DNASE2: variants seen among roughly 807,000 people sequenced by gnomAD.
DNASE2 encodes the protein deoxyribonuclease 2, lysosomal, also known as deoxyribonuclease-2-alpha.
DNASE2 carries 26 observed loss-of-function variants against 29.8 expected under a neutral mutation model. The observed-to-expected ratio is 0.87, with a 90% CI of 0.64 to 1.21. DNASE2 has a LOEUF of 1.21. Among genes scored for constraint, DNASE2 ranks in the 50% most tolerant of loss-of-function variants. The pLI, the probability that DNASE2 is intolerant of heterozygous loss-of-function variation, is 0.00. For synonymous variants in DNASE2, 186 were observed against 193.5 expected, an observed-to-expected ratio of 0.96 and a Z score of 0.32; for missense variants, 415 against 455.6, an observed-to-expected ratio of 0.91 and a Z score of 0.81.
Position 12,876,248 on chromosome 19 carries a change from A to G in DNASE2, c.825T>C (p.Asn275=), listed in dbSNP as rs1270320113. 5 of 1,614,158 alleles carry G rather than the reference A, an allele frequency of 3.1e-6. No homozygotes were observed. Among genetic ancestry groups the G allele is most frequent in the South Asian group, 1.1e-5 (1 of 91,084 alleles). ...GTCCAGGGAAAGCTATCTGGTTCACATTCAGAACCTGCCAGATATCCGAGC... is the reference window on the plus strand; with the variant it reads ...GTCCAGGGAAAGCTATCTGGTTCACGTTCAGAACCTGCCAGATATCCGAGC... ...SNCSDIWQVL[N]VNQIAFPGPA... Residue 275 remains asparagine (N), a synonymous_variant, in exon 6 of 6, where the codon AAT becomes AAC. Coordinates refer to ENST00000222219, the MANE Select transcript of DNASE2 (RefSeq NM_001375.3).
At position 12,876,363 on chromosome 19, in the gene DNASE2, T is replaced by A. The variant is rs1402872679; in HGVS notation, c.710A>T (p.Asp237Val). The change falls in exon 6 of 6, where the codon GAC becomes GTC. Residue 237 changes from aspartate to valine, a missense_variant and splice_region_variant. Asp to Val is a radical substitution (Grantham distance 152). Transcript: ENST00000222219. ...SFAKFSKFGD[D>V]LYSGWLAAAL... The stretch of plus-strand genomic sequence containing the variant: ...TGCTGCCAACCAGCCGGAGTACAGG[T>A]CTGCAAAGGATGGAGAGAGGGCACA... The A allele has an allele frequency of 6.2e-7, 1 of 1,611,692 alleles. No individual in the cohort carries two copies. Among genetic ancestry groups the A allele is most frequent in the Non-Finnish European group, 8.5e-7 (1 of 1,179,954 alleles).
intron 3 of DNASE2, among the ~76,000 whole-genome samples, chr19:12,880,295 C>T (rs1397648089): frequency 6.6e-6 from 1 of 151,270 alleles, no homozygotes; most frequent in African/African-American, 2.4e-5. Context: ...AAATAGATGC[C>T]CAAGGTCTGA....
At chr19:12,880,902 C>T in intron 2 of DNASE2, 22 bp from the exon 3 acceptor site, 1 of 1,614,184 alleles carries the variant, frequency 6.2e-7, no homozygotes, top group Non-Finnish European at 8.5e-7. Context: ...TAAACGGAGG[C>T]AACGTGAAAT....
intron 5 of DNASE2, among the ~76,000 whole-genome samples, chr19:12,876,950 G>A (rs543498978): frequency 6.6e-6 from 1 of 152,200 alleles, no homozygotes; most frequent in East Asian, 1.9e-4. Flanking sequence ...AGCCTCCTGA[G>A]TAGCTGGGAT....
At chr19:12,876,459 CTTT>C (rs56207722) in intron 5 of DNASE2, 96 bp from the exon 6 acceptor site, 9,167 of 1,237,570 alleles carry the variant, frequency 7.4e-3, no homozygotes, top group Middle Eastern at 9.0e-3. Context: ...TCCATATTTC[CTTT>C]TTTTTTTTTT....
Position 12,876,202 on chromosome 19 carries a change from T to G in DNASE2, c.871A>C (p.Ser291Arg). ...FPGPAGPSFN[S>R]TEDHSKWCVS... ...CACCATTTGGAGTGGTCCTCTGTGC[T>G]GTTGAAGCTTGGGCCGGCTGGTCCA... Residue 291 changes from serine to arginine, a missense_variant, in exon 6 of 6, where the codon AGC becomes CGC. Ser to Arg is a moderately radical substitution (Grantham distance 110). Coordinates refer to ENST00000222219, the MANE Select transcript of DNASE2 (RefSeq NM_001375.3). The G allele has an allele frequency of 1.2e-6, 2 of 1,614,208 alleles. No individual in the cohort carries two copies. The highest frequency in any genetic ancestry group is 1.7e-6 in the Non-Finnish European group (2 of 1,180,042).
rs987943432 is a variant in DNASE2 at position 12,875,453 on chromosome 19, G to A, written c.*537C>T. The stretch of plus-strand genomic sequence containing the variant: ...GTCACCCAGGCTGAAGTGCCGTGGT[G>A]TTAGCTCAGCTCATGACAACCTCTG... On this transcript the variant is annotated 3_prime_UTR_variant, in exon 6 of 6. Coordinates refer to ENST00000222219, the MANE Select transcript of DNASE2 (RefSeq NM_001375.3). 1.2e-5 allele frequency: 2 copies of A among 164,914 alleles called. No homozygotes were observed. Among genetic ancestry groups the A allele is most frequent in the African/African-American group, 4.8e-5 (2 of 41,580 alleles). The allele number at this position is 164,914 out of a possible 1,614,324, so 10.2% of individuals were successfully genotyped here. A position where few individuals can be genotyped will look rare whatever the true frequency, so the allele number is the denominator to read the frequency against.
At position 12,875,281 on chromosome 19, in the gene DNASE2, G is replaced by A. The variant is rs1038874881; in HGVS notation, c.*709C>T. On this transcript the variant is annotated 3_prime_UTR_variant, in exon 6 of 6. Coordinates refer to ENST00000222219, the MANE Select transcript of DNASE2 (RefSeq NM_001375.3). ...ATTATGTTTCCCATTTTGCAGACAG[G>A]TAGACTGTGTCACAGAGCGGTTAAG... 3.3e-5 allele frequency: 8 copies of A among 245,288 alleles called. No individual in the cohort carries two copies. Among genetic ancestry groups the A allele is most frequent in the Non-Finnish European group, 6.5e-5 (8 of 122,436 alleles). 15.2% of individuals were successfully genotyped at this position (245,288 alleles called of 1,614,324 possible).
intron 5 of DNASE2, 132 bp downstream of exon 5, chr19:12,878,250 C>G (rs1970341087): frequency 8.5e-7 from 1 of 1,176,600 alleles, no homozygotes; most frequent in Non-Finnish European, 1.3e-6. Flanking sequence ...GAACCCAGGT[C>G]TGTTCACTGA....
chr19:12,881,029 G>T lies in DNASE2; in HGVS notation c.210C>A (p.Ser70Arg). The change falls in exon 2 of 6, where the codon AGC becomes AGA. Residue 70 changes from serine to arginine, a missense_variant. By Grantham distance (110) the Ser-to-Arg change is moderately radical. Transcript: ENST00000222219. ...GGCTTCGGCCCACGGCCCCCTCCGG[G>T]CTGTTGATGAGTGCCCTGCCGTCCC... is the stretch of plus-strand genomic sequence containing the variant. ...GWRDGRALIN[S>R]PEGAVGRSLQ... 1 of 1,613,776 alleles carries T rather than the reference G, an allele frequency of 6.2e-7. No individual in the cohort carries two copies. The highest frequency in any genetic ancestry group is 2.2e-5 in the East Asian group (1 of 44,890).
chr19:12,875,811 G>A lies in DNASE2; in HGVS notation c.*179C>T. 1.5e-6 allele frequency: 1 copy of A among 680,518 alleles called. No homozygotes were observed. Among genetic ancestry groups the A allele is most frequent in the Non-Finnish European group, 2.4e-6 (1 of 416,084 alleles). 42.2% of individuals were successfully genotyped at this position (680,518 alleles called of 1,614,324 possible). A position where few individuals can be genotyped will look rare whatever the true frequency, so the allele number is the denominator to read the frequency against. On this transcript the variant is annotated 3_prime_UTR_variant, in exon 6 of 6. Coordinates refer to ENST00000222219, the MANE Select transcript of DNASE2 (RefSeq NM_001375.3). Reference sequence around the variant, plus strand: ...TTCAATCGATCCTCTGGCTTCAGTGGCTGGGACTACAGGCATTTATCACCG... The same window carrying A: ...TTCAATCGATCCTCTGGCTTCAGTGACTGGGACTACAGGCATTTATCACCG...
In DNASE2 at chr19:12,881,110, C is replaced by G. The variant is rs752241165; in HGVS notation, c.129G>C (p.Glu43Asp). 1 of 1,611,950 alleles carries G rather than the reference C, an allele frequency of 6.2e-7. No homozygotes were observed. Among genetic ancestry groups the G allele is most frequent in the Non-Finnish European group, 8.5e-7 (1 of 1,180,002 alleles). Residue 43 changes from glutamate to aspartate, a missense_variant, in exon 2 of 6, where the codon GAG becomes GAC. Physicochemically the swap from Glu to Asp is conservative, Grantham distance 45 (BLOSUM62 2). Coordinates refer to ENST00000222219, the MANE Select transcript of DNASE2 (RefSeq NM_001375.3). The part of the protein sequence containing the change: ...YKLPALRGSG[E>D]AAQRGLQYKY... Reference sequence around the variant, plus strand: ...TGTACTGCAGCCCTCTCTGCGCCGCCTCCCCGGACCCTCTAAGAGCTGGCA... The same window carrying G: ...TGTACTGCAGCCCTCTCTGCGCCGCGTCCCCGGACCCTCTAAGAGCTGGCA...
At chr19:12,879,708 T>C (rs1970359078) in intron 3 of DNASE2, among the ~76,000 whole-genome samples, 1 of 152,056 alleles carries the variant, frequency 6.6e-6, no homozygotes, top group Non-Finnish European at 1.5e-5. Context: ...TGGCGGCTCA[T>C]GCCGGTAATC....
intron 3 of DNASE2, among the ~76,000 whole-genome samples, chr19:12,879,298 A>T (rs559205124): frequency 6.6e-6 from 1 of 151,932 alleles, no homozygotes; most frequent in East Asian, 1.9e-4. Context: ...CAGCCTGGCC[A>T]ACATGGAGAA....
intron 5 of DNASE2, among the ~76,000 whole-genome samples, chr19:12,876,926 G>A (rs768728798): frequency 6.6e-6 from 1 of 151,930 alleles, no homozygotes; most frequent in Non-Finnish European, 1.5e-5. Context: ...GGTTTCAAGC[G>A]ATTCTCATGC....
chr19:12,881,131 T>C lies in DNASE2; in HGVS notation c.108A>G (p.Pro36=). The change falls in exon 2 of 6, where the codon CCA becomes CCG. Residue 36 remains proline (P), a synonymous_variant. Transcript: ENST00000222219. Reference sequence around the variant, plus strand: ...CCGCCTCCCCGGACCCTCTAAGAGCTGGCAGCTTGTAGACCACGAACCTGG... The same window carrying C: ...CCGCCTCCCCGGACCCTCTAAGAGCCGGCAGCTTGTAGACCACGAACCTGG... ...PVDWFVVYKL[P]ALRGSGEAAQ... 1 of 1,611,902 alleles carries C rather than the reference T, an allele frequency of 6.2e-7. No individual in the cohort carries two copies.
chr19:12,881,246 A>G, intron 1 of DNASE2, 44 bp downstream of exon 1: 1 of 1,600,576 alleles, frequency 6.2e-7, no homozygotes, highest in Non-Finnish European at 8.5e-7. Context: ...GAGTGACCGC[A>G]GCCGGACCCC....
rs1442796664 is a variant in DNASE2, at chr19:12,881,410, C to T, written c.-35G>A. 2.6e-6 allele frequency: 4 copies of T among 1,548,006 alleles called. No homozygotes were observed. The highest frequency in any genetic ancestry group is 3.5e-6 in the Non-Finnish European group (4 of 1,146,644). On this transcript the variant is annotated 5_prime_UTR_variant, in exon 1 of 6. Transcript: ENST00000222219. Reference sequence around the variant, plus strand: ...GGGGCTGAGATCCAGGAATCTGTGTCGGGACTGCGGGGCGCTGGGTTACAT... The same window carrying T: ...GGGGCTGAGATCCAGGAATCTGTGTTGGGACTGCGGGGCGCTGGGTTACAT...
intron 3 of DNASE2, among the ~76,000 whole-genome samples, chr19:12,879,771 A>G (rs1970360114): frequency 6.6e-6 from 1 of 152,038 alleles, no homozygotes; most frequent in Non-Finnish European, 1.5e-5. Flanking sequence ...GGACTTAGAG[A>G]CCAGCCTAGG....
Sources: gnomAD v4.1 joint callset for allele counts (sites outside exome capture counted in the v4.1 genomes callset) on GRCh38, gnomAD v4.1.1 for gene constraint, MANE v1.5 for transcripts, NCBI Gene and HGNC (gene_info 2026-07-23, HGNC 2026-07-21) for gene names.